Variants in TTLL13 observed in about 807,000 individuals in gnomAD.
The protein encoded by TTLL13 is tubulin tyrosine ligase like 13, also known as tubulin polyglutamylase TTLL13.
the TTLL13 span, chr15:90,257,265 C>A: frequency 1.2e-6 from 2 of 1,612,244 alleles, no homozygotes; most frequent in Non-Finnish European, 1.7e-6. Flanking sequence ...TATATGGAGC[C>A]CAGCCATAAC....
chr15:90,256,555 TTCTTTC>T, the TTLL13 span, among the ~76,000 whole-genome samples: 5 of 38,954 alleles, frequency 1.3e-4, no homozygotes, highest in Non-Finnish European at 5.1e-5. Context: ...TTTTCTTTCT[TTCTTTC>T]TTTCTTTCTT....
the TTLL13 span, chr15:90,263,722 G>T: frequency 1.1e-5 from 7 of 663,044 alleles, no homozygotes; most frequent in Non-Finnish European, 1.9e-5. Context: ...GTGGTAAGGG[G>T]CTGCTCTTCT....
chr15:90,253,169 C>T, the TTLL13 span: 1 of 1,190,196 alleles, frequency 8.4e-7, no homozygotes. Flanking sequence ...CAGGTGTATA[C>T]CTTACCTGAC....
chr15:90,261,983 C>T, the TTLL13 span: 2 of 1,517,838 alleles, frequency 1.3e-6, no homozygotes, highest in African/African-American at 1.4e-5. Context: ...CTACTCTTGA[C>T]TCACTGAGCT....
At chr15:90,251,381 C>T in the TTLL13 span, among the ~76,000 whole-genome samples, 113 of 151,180 alleles carry the variant, frequency 7.5e-4, no homozygotes, top group South Asian at 1.1e-3. Flanking sequence ...GCCTCGGCCT[C>T]CCAAAGTGCT....
the TTLL13 span, among the ~76,000 whole-genome samples, chr15:90,254,188 G>GTTGTTGTT: frequency 1.2e-4 from 13 of 104,038 alleles, no homozygotes; most frequent in East Asian, 3.8e-3. Flanking sequence ...GTGAGACCCT[G>GTTGTTGTT]TTTTTTTTTT....
chr15:90,256,594 TTTCTTTCTTTCTTTCCTTCC>T, the TTLL13 span, among the ~76,000 whole-genome samples: 23 of 33,052 alleles, frequency 7.0e-4, 1 homozygote, highest in East Asian at 0.011. Context: ...TCTTTCTTTC[TTTCTTTCTTTCTTTCCTTCC>T]TTCCTTCCTT....
the TTLL13 span, among the ~76,000 whole-genome samples, chr15:90,254,202 TAAA>T: frequency 0.28 from 38,991 of 138,942 alleles, 6,092 homozygotes; most frequent in East Asian, 0.67. Context: ...TTTTTTTTTT[TAAA>T]AAAAAAAGGC....
the TTLL13 span, chr15:90,257,289 G>A: frequency 3.4e-5 from 55 of 1,607,224 alleles, no homozygotes; most frequent in Non-Finnish European, 3.5e-5. Context: ...CTGGTAAGGG[G>A]ACTGGGAAGC....
the TTLL13 span, chr15:90,251,612 C>A: frequency 6.2e-6 from 10 of 1,613,236 alleles, no homozygotes; most frequent in Non-Finnish European, 8.5e-6. Flanking sequence ...CCCAGCCCGT[C>A]GCTCACACTG....
chr15:90,249,947 T>TTTTTA, the TTLL13 span: 10 of 147,574 alleles, frequency 6.8e-5, no homozygotes, highest in African/African-American at 2.3e-4. Flanking sequence ...CTGTATTTTA[T>TTTTTA]TTTATTTATT....
At chr15:90,256,017 A>T in the TTLL13 span, 1 of 1,560,442 alleles carries the variant, frequency 6.4e-7, no homozygotes, top group Non-Finnish European at 8.7e-7. Context: ...CTGGTCAAAG[A>T]AAAGAGGGTC....
the TTLL13 span, among the ~76,000 whole-genome samples, chr15:90,264,525 T>C: frequency 6.6e-6 from 1 of 152,112 alleles, no homozygotes. Context: ...AGAAATACAG[T>C]CCCAGCACTC....
At chr15:90,262,802 T>C in the TTLL13 span, 1 of 1,215,634 alleles carries the variant, frequency 8.2e-7, no homozygotes, top group Admixed American at 2.9e-5. Context: ...GTAAATTGAA[T>C]CCGATCCTTT....
the TTLL13 span, among the ~76,000 whole-genome samples, chr15:90,251,112 G>GCCTTTTTTT: frequency 1.0e-5 from 1 of 97,134 alleles, no homozygotes; most frequent in African/African-American, 4.2e-5. Flanking sequence ...ATCCTGGTCT[G>GCCTTTTTTT]TCTTTTTTTT....
chr15:90,262,405 C>A, the TTLL13 span: 6 of 1,342,060 alleles, frequency 4.5e-6, no homozygotes, highest in East Asian at 2.6e-5. Flanking sequence ...ATTGTAATTT[C>A]CTGCTCTTTC....
chr15:90,263,688 C>T, the TTLL13 span: 2 of 618,270 alleles, frequency 3.2e-6, no homozygotes, highest in Non-Finnish European at 5.8e-6. Flanking sequence ...TCTTCCAACG[C>T]TCCATCCAAA....
chr15:90,258,186 C>G, the TTLL13 span: 4 of 1,614,268 alleles, frequency 2.5e-6, no homozygotes, highest in Non-Finnish European at 3.4e-6. Flanking sequence ...TCCCCAGTAT[C>G]TGAATGGAGG....
the TTLL13 span, chr15:90,265,042 T>C: frequency 6.7e-5 from 97 of 1,446,798 alleles, no homozygotes; most frequent in Non-Finnish European, 7.8e-5. Flanking sequence ...CTTTGCTAAA[T>C]GAATGACTGC....
Sources: allele counts gnomAD v4.1 joint callset (sites outside exome capture counted in the v4.1 genomes callset), GRCh38; gene constraint gnomAD v4.1.1; transcripts MANE v1.5; gene names NCBI Gene and HGNC (gene_info 2026-07-23, HGNC 2026-07-21).